The following IL1RAPL1 variants were observed in gnomAD, a reference collection of about 807,000 sequenced individuals.
IL1RAPL1 encodes interleukin 1 receptor accessory protein like 1, also known as interleukin-1 receptor accessory protein-like 1.
IL1RAPL1 carries 3 observed loss-of-function variants against 48.4 expected under a neutral mutation model. That is an observed-to-expected ratio of 0.06 (90% CI 0.03 to 0.16). The LOEUF (loss-of-function observed/expected upper bound fraction) is 0.16. Among genes scored for constraint, IL1RAPL1 ranks in the 10% least tolerant of loss-of-function variants. The probability of loss-of-function intolerance (pLI) is 1.00; values close to 1 mark genes in which losing one functional copy is unlikely to be tolerated. For synonymous variants in IL1RAPL1, 185 were observed against 187.7 expected, an observed-to-expected ratio of 0.99 and a Z score of 0.12; for missense variants, 349 against 530.6, an observed-to-expected ratio of 0.66 and a Z score of 3.36.
chrX:29,325,791 C>G (rs1383673942), intron 3 of IL1RAPL1, among the ~76,000 whole-genome samples: 1 of 112,002 alleles, frequency 8.9e-6, no homozygotes, highest in African/African-American at 3.2e-5. Context: ...GTGCTGGCAT[C>G]TGCTACTAGT....
In IL1RAPL1 at chrX:29,122,301, T is replaced by TA. The variant is rs1261651427; in HGVS notation, c.83-160636dup. On this transcript the variant is annotated intron_variant, in intron 2 of 10. Coordinates refer to ENST00000378993, the MANE Select transcript of IL1RAPL1 (RefSeq NM_014271.4). ...ACCTGTATTAATAGATTAGATGAAATATTATTTTCTAACTGTAAGAGTTAA... is the reference window on the plus strand; with the variant it reads ...ACCTGTATTAATAGATTAGATGAAATAATTATTTTCTAACTGTAAGAGTTAA... Among the ~76,000 whole-genome samples the TA allele has an allele frequency of 4.5e-5, 5 of 110,662 alleles. 1 individual carries two copies. The Admixed American group carries it at 4.9e-4, about 11-fold the overall frequency.
chrX:29,637,091 A>G (rs1924993793), intron 5 of IL1RAPL1, among the ~76,000 whole-genome samples: 1 of 109,192 alleles, frequency 9.2e-6, no homozygotes, highest in Non-Finnish European at 1.9e-5. Context: ...GTCTGTCAAA[A>G]GGAAACTCAA....
At chrX:29,650,347 G>C (rs1052751199) in intron 5 of IL1RAPL1, among the ~76,000 whole-genome samples, 7 of 111,647 alleles carry the variant, frequency 6.3e-5, no homozygotes, top group Non-Finnish European at 1.3e-4. Flanking sequence ...AACAATGCTG[G>C]AGGCATCACA....
At chrX:29,802,616 GAAC>G (rs1354510503) in intron 6 of IL1RAPL1, among the ~76,000 whole-genome samples, 1 of 104,066 alleles carries the variant, frequency 9.6e-6, no homozygotes, top group Non-Finnish European at 2.0e-5. Flanking sequence ...TTTTATTGTA[GAAC>G]AACAAAAGGA....
At chrX:28,601,836 G>T (rs2146878902) in intron 1 of IL1RAPL1, among the ~76,000 whole-genome samples, 1 of 110,943 alleles carries the variant, frequency 9.0e-6, no homozygotes, top group Non-Finnish European at 1.9e-5. Flanking sequence ...CAGGTATGGT[G>T]GTTCATGCCT....
chrX:29,688,334 C>T (rs1220585634), intron 6 of IL1RAPL1, among the ~76,000 whole-genome samples: 1 of 111,111 alleles, frequency 9.0e-6, no homozygotes, highest in Non-Finnish European at 1.9e-5. Context: ...ACCAGTCCAA[C>T]CTCTGCCTGT....
chrX:29,877,645 A>G (rs181119620), intron 6 of IL1RAPL1, among the ~76,000 whole-genome samples: 72 of 111,934 alleles, frequency 6.4e-4, no homozygotes, highest in African/African-American at 1.9e-3. Context: ...GCATGTTAAT[A>G]CACACGTACT....
chrX:29,098,130 A>G (rs1318196731), intron 2 of IL1RAPL1, among the ~76,000 whole-genome samples: 2 of 112,198 alleles, frequency 1.8e-5, no homozygotes, highest in African/African-American at 3.2e-5. Flanking sequence ...ATTACTATCT[A>G]TGGATGAGGG....
chrX:29,702,198 G>A (rs1927069745), intron 6 of IL1RAPL1, among the ~76,000 whole-genome samples: 1 of 107,737 alleles, frequency 9.3e-6, no homozygotes, highest in African/African-American at 3.4e-5. Flanking sequence ...AGGTTGCAGT[G>A]AGCCGAGATT....
chrX:28,894,332 T>G (rs1185976750), intron 2 of IL1RAPL1, among the ~76,000 whole-genome samples: 1 of 111,750 alleles, frequency 8.9e-6, no homozygotes, highest in Non-Finnish European at 1.9e-5. Context: ...CTGCCTTTGC[T>G]GGTGAGTGGC....
chrX:29,655,585 C>T (rs1925651468), intron 5 of IL1RAPL1, among the ~76,000 whole-genome samples: 1 of 104,015 alleles, frequency 9.6e-6, no homozygotes, highest in Non-Finnish European at 2.0e-5. Flanking sequence ...ATTGCTTGAA[C>T]CCGGGAGACG....
chrX:29,501,193 A>G (rs913549658), intron 5 of IL1RAPL1, among the ~76,000 whole-genome samples: 2 of 111,892 alleles, frequency 1.8e-5, no homozygotes, highest in African/African-American at 3.3e-5. Context: ...TATTCTGACT[A>G]TTAATCCCTT....
At chrX:28,730,544 TA>T (rs1358060801) in intron 1 of IL1RAPL1, among the ~76,000 whole-genome samples, 2 of 111,566 alleles carry the variant, frequency 1.8e-5, no homozygotes, top group Middle Eastern at 4.7e-3. Context: ...AAATGAACAA[TA>T]AAAAAACTAA....
intron 2 of IL1RAPL1, among the ~76,000 whole-genome samples, chrX:28,790,655 G>GA (rs1936526933): frequency 8.9e-6 from 1 of 112,089 alleles, no homozygotes; most frequent in Non-Finnish European, 1.9e-5. Context: ...TAGGCAACGT[G>GA]AAAAAAATAC....
At chrX:28,766,620 C>T (rs1261117508) in intron 1 of IL1RAPL1, among the ~76,000 whole-genome samples, 1 of 110,555 alleles carries the variant, frequency 9.0e-6, no homozygotes, top group Non-Finnish European at 1.9e-5. Flanking sequence ...TGTGCTATCA[C>T]ATAGTGGTCT....
chrX:28,925,282 A>G (rs1923712505), intron 2 of IL1RAPL1, among the ~76,000 whole-genome samples: 1 of 111,959 alleles, frequency 8.9e-6, no homozygotes, highest in Non-Finnish European at 1.9e-5. Context: ...AAATTCCCTA[A>G]CGAGAAGACA....
intron 2 of IL1RAPL1, among the ~76,000 whole-genome samples, chrX:28,867,286 T>C (rs1362584060): frequency 9.0e-6 from 1 of 111,653 alleles, no homozygotes; most frequent in East Asian, 2.8e-4. Flanking sequence ...TGCCTTTCGT[T>C]TTCATATCTG....
intron 1 of IL1RAPL1, among the ~76,000 whole-genome samples, chrX:28,626,552 T>C (rs1181322186): frequency 8.9e-6 from 1 of 112,325 alleles, no homozygotes; most frequent in South Asian, 3.7e-4. Context: ...GACCATCTCC[T>C]GTCTTAGGTT....
chrX:29,682,187 A>T (rs1375249202), intron 6 of IL1RAPL1, among the ~76,000 whole-genome samples: 3 of 111,643 alleles, frequency 2.7e-5, no homozygotes, highest in East Asian at 5.6e-4. Flanking sequence ...ATATTGAGTA[A>T]ACTATATCGT....
Sources: gnomAD v4.1 joint callset for allele counts (sites outside exome capture counted in the v4.1 genomes callset) on GRCh38, gnomAD v4.1.1 for gene constraint, MANE v1.5 for transcripts, NCBI Gene and HGNC (gene_info 2026-07-23, HGNC 2026-07-21) for gene names.